NEK6: variants seen among roughly 807,000 people sequenced by gnomAD.
NEK6 encodes the protein NIMA related kinase 6.
NEK6 carries 27 observed loss-of-function variants against 43.5 expected under a neutral mutation model. The observed-to-expected ratio is 0.62, with a 90% CI of 0.46 to 0.86. The LOEUF (loss-of-function observed/expected upper bound fraction) is 0.86, where lower values mean the gene tolerates loss of function less well. Ranked by LOEUF, NEK6 falls within the 40% of genes least tolerant of loss-of-function variation. NEK6 has a pLI of 0.00. For synonymous variants in NEK6, 167 were observed against 164.1 expected (o/e 1.02, Z -0.14); for missense variants, 318 against 414.4 (o/e 0.77, Z 2.02).
intron 9 of NEK6, among the ~76,000 whole-genome samples, chr9:124,349,894 A>G (rs751161233): frequency 3.9e-5 from 6 of 152,142 alleles, no homozygotes; most frequent in East Asian, 1.9e-4. Context: ...GCGAGGGGAT[A>G]CCCTAAGGCT....
intron 1 of NEK6, chr9:124,292,967 G>A (rs1832497764): frequency 1.9e-6 from 3 of 1,575,560 alleles, no homozygotes; most frequent in Non-Finnish European, 2.6e-6. Flanking sequence ...TTTGCTGGGA[G>A]GCAGCTCATT....
chr9:124,301,552 A>G (rs1236255336), intron 1 of NEK6, among the ~76,000 whole-genome samples: 1 of 152,010 alleles, frequency 6.6e-6, no homozygotes, highest in South Asian at 2.1e-4. Context: ...TGGGGGTGAC[A>G]ATGGGGGATA....
intron 7 of NEK6, among the ~76,000 whole-genome samples, chr9:124,338,064 T>C (rs1326105531): frequency 1.3e-5 from 2 of 152,210 alleles, no homozygotes; most frequent in Admixed American, 1.3e-4. Context: ...CACTGCAGCC[T>C]TCACCTCCTG....
At chr9:124,320,302 C>T (rs550320803) in intron 4 of NEK6, among the ~76,000 whole-genome samples, 1 of 152,298 alleles carries the variant, frequency 6.6e-6, no homozygotes, top group African/African-American at 2.4e-5. Context: ...GGGCCAGTGG[C>T]TGAGCCTGCT....
In NEK6 at chr9:124,326,486, A is replaced by C; in HGVS notation, c.514+48A>C. The C allele has an allele frequency of 2.1e-6, 3 of 1,397,488 alleles. No individual in the cohort carries two copies. The highest frequency in any genetic ancestry group is 3.0e-6 in the Non-Finnish European group (3 of 994,930). 86.6% of individuals were successfully genotyped at this position (1,397,488 alleles called of 1,614,324 possible). ...CGCCCGGAGCCACCTGGAGCCCAGG[A>C]AGACACTTCCTCATGGCTCCTCCAG... On this transcript the variant is annotated intron_variant, in intron 6 of 9. Transcript: ENST00000320246. This position sits in a 1 kb window ranked among gnomAD's most constrained non-coding sequence, Gnocchi z 4.5.
chr9:124,285,672 A>T lies in NEK6; in HGVS notation c.-29-16264A>T, dbSNP rs530533570. The stretch of plus-strand genomic sequence containing the variant: ...GCTGGCTCCACTGTGTCCAAGCCGC[A>T]GATGCAAAGCCTGTTAGGACAGAAA... On this transcript the variant is annotated intron_variant, in intron 1 of 9. Coordinates refer to ENST00000320246, the MANE Select transcript of NEK6 (RefSeq NM_014397.6). Among the ~76,000 whole-genome samples the T allele has an allele frequency of 9.6e-4, 146 of 152,278 alleles. 1 individual carries two copies. The highest frequency in any genetic ancestry group is 1.8e-3 in the Admixed American group (27 of 15,300).
chr9:124,351,023 C>A lies in NEK6; in HGVS notation c.*76C>A. 1 of 1,003,336 alleles carries A rather than the reference C, an allele frequency of 1.0e-6. No homozygotes were observed. Among genetic ancestry groups the A allele is most frequent in the South Asian group, 1.4e-5 (1 of 72,776 alleles). The allele number at this position is 1,003,336 out of a possible 1,614,324, so 62.2% of individuals were successfully genotyped here. A position where few individuals can be genotyped will look rare whatever the true frequency, so the allele number is the denominator to read the frequency against. On this transcript the variant is annotated 3_prime_UTR_variant, in exon 10 of 10. Coordinates refer to ENST00000320246, the MANE Select transcript of NEK6 (RefSeq NM_014397.6). ...AGTCGTCTTCTCTTCGAGTGGCCAC[C>A]TGGTAGCCTAGAACAGCTAAGACCA...
rs528642627 is a variant in NEK6, at chr9:124,307,696, C to T, written c.91-4813C>T. 4.6e-5 allele frequency among the ~76,000 whole-genome samples: 7 copies of T among 152,308 alleles called. No homozygotes were observed. The South Asian group carries it at 1.4e-3, about 32-fold the overall frequency. The stretch of plus-strand genomic sequence containing the variant: ...AGAGGTGGCCTCCTATGGTGTTGCC[C>T]CACAGCGCAGCCCTGGAAGGGAGGC... On this transcript the variant is annotated intron_variant, in intron 2 of 9. Coordinates refer to ENST00000320246, the MANE Select transcript of NEK6 (RefSeq NM_014397.6).
intron 1 of NEK6, among the ~76,000 whole-genome samples, chr9:124,287,696 G>T (rs778156532): frequency 1.3e-5 from 2 of 152,184 alleles, no homozygotes; most frequent in Non-Finnish European, 2.9e-5. Flanking sequence ...GTAGTGGCAT[G>T]CAGGTATAAC....
At chr9:124,280,626 C>G (rs1247676476) in intron 1 of NEK6, among the ~76,000 whole-genome samples, 1 of 152,196 alleles carries the variant, frequency 6.6e-6, no homozygotes, top group Non-Finnish European at 1.5e-5. Flanking sequence ...GTCATCAGGC[C>G]TCCAGGGCCA....
At chr9:124,299,942 A>C (rs1167825903) in intron 1 of NEK6, 1 of 152,142 alleles carries the variant, frequency 6.6e-6, no homozygotes, top group East Asian at 1.9e-4. Flanking sequence ...CGTGTTCTGC[A>C]GTCCATACCA....
At chr9:124,314,386 T>C (rs1186296505) in intron 4 of NEK6, among the ~76,000 whole-genome samples, 4 of 152,028 alleles carry the variant, frequency 2.6e-5, no homozygotes, top group African/African-American at 9.7e-5. Flanking sequence ...TGGCTCTGCC[T>C]CTGTCTCTAT....
At chr9:124,292,392 GA>G in intron 1 of NEK6, 1 of 1,524,296 alleles carries the variant, frequency 6.6e-7, no homozygotes, top group Non-Finnish European at 8.8e-7. Context: ...CAGGGAAGCA[GA>G]AAAAGCAATT....
rs1935743189 is a variant in NEK6 at position 124,336,671 on chromosome 9, G to A, written c.623-2900G>A. The stretch of plus-strand genomic sequence containing the variant: ...GCAGCAGCCTCTGTCACATGACATG[G>A]TGTCTCCAGGCCAGTGAAAATGTTC... On this transcript the variant is annotated intron_variant, in intron 7 of 9. Coordinates refer to ENST00000320246, the MANE Select transcript of NEK6 (RefSeq NM_014397.6). Among the ~76,000 whole-genome samples the A allele has an allele frequency of 2.6e-5, 4 of 152,098 alleles. No homozygotes were observed. The South Asian group carries it at 8.3e-4, about 32-fold the overall frequency.
At chr9:124,270,926 T>C (rs557469723) in intron 1 of NEK6, among the ~76,000 whole-genome samples, 69 of 152,382 alleles carry the variant, frequency 4.5e-4, no homozygotes, top group Non-Finnish European at 5.4e-4. Flanking sequence ...CCAGGTCACC[T>C]GGACATGAAG....
chr9:124,278,391 T>G (rs915545030), intron 1 of NEK6, among the ~76,000 whole-genome samples: 1 of 152,164 alleles, frequency 6.6e-6, no homozygotes, highest in Admixed American at 6.5e-5. Flanking sequence ...TAGGTTCCCC[T>G]AGGTGAGCAG....
At chr9:124,300,688 G>A (rs1231923604) in intron 1 of NEK6, among the ~76,000 whole-genome samples, 1 of 152,172 alleles carries the variant, frequency 6.6e-6, no homozygotes, top group African/African-American at 2.4e-5. Context: ...AAAACCCGCT[G>A]ACCGCGCCGG....
At chr9:124,277,623 G>GTGA (rs1831699069) in intron 1 of NEK6, among the ~76,000 whole-genome samples, 1 of 152,206 alleles carries the variant, frequency 6.6e-6, no homozygotes, top group Admixed American at 6.5e-5. Context: ...GATAAAATCT[G>GTGA]TGACGCTCCC....
chr9:124,328,325 G>A (rs770246861), intron 7 of NEK6, among the ~76,000 whole-genome samples: 6 of 152,186 alleles, frequency 3.9e-5, no homozygotes, highest in African/African-American at 7.2e-5. Flanking sequence ...CTACAAGGCT[G>A]TCTGGGTTTC....
Sources: allele counts gnomAD v4.1 joint callset (sites outside exome capture counted in the v4.1 genomes callset), GRCh38; gene constraint gnomAD v4.1.1; non-coding constraint Gnocchi (gnomAD v3.1); transcripts MANE v1.5; gene names NCBI Gene and HGNC (gene_info 2026-07-23, HGNC 2026-07-21).